The following ST3GAL4 variants were observed in gnomAD, a reference collection of about 807,000 sequenced individuals.
ST3GAL4 encodes ST3 beta-galactoside alpha-2,3-sialyltransferase 4.
ST3GAL4 carries 24 observed loss-of-function variants against 42.6 expected under a neutral mutation model. The ratio of observed to expected loss-of-function variants is 0.56; its 90% CI spans 0.41 to 0.79. The LOEUF (loss-of-function observed/expected upper bound fraction) is 0.79, where lower values mean the gene tolerates loss of function less well. Ranked by LOEUF, ST3GAL4 falls within the 30% of genes least tolerant of loss-of-function variation. The pLI is 0.00. For missense variants in ST3GAL4, 311 were observed against 430.8 expected, an observed-to-expected ratio of 0.72 and a Z score of 2.46; for synonymous variants, 135 against 163.2, an observed-to-expected ratio of 0.83 and a Z score of 1.32.
chr11:126,408,424 A>C lies in ST3GAL4; in HGVS notation c.555A>C (p.Thr185=), dbSNP rs755822343. The change falls in exon 8 of 11, where the codon ACA becomes ACC. Residue 185 remains threonine (T), a synonymous_variant. Transcript: ENST00000444328. ...CCAAAGTAGAAAACAACCCAGACAC[A>C]CTCCTCGTCCTGGTAGCTTTCAAGG... is the stretch of plus-strand genomic sequence containing the variant. ...FDPKVENNPD[T]LLVLVAFKAM... 3 of 1,614,044 alleles carry C rather than the reference A, an allele frequency of 1.9e-6. No individual in the cohort carries two copies. In the South Asian group the frequency reaches 3.3e-5, roughly 18 times the overall value.
intron 1 of ST3GAL4, chr11:126,358,555 C>T (rs1396153916): frequency 2.3e-6 from 1 of 441,936 alleles, no homozygotes; most frequent in Admixed American, 2.4e-5. Flanking sequence ...AGGAAGTGGT[C>T]AGTGTAGCTT....
At chr11:126,401,432 G>A (rs559142660) in intron 1 of ST3GAL4, among the ~76,000 whole-genome samples, 10 of 152,118 alleles carry the variant, frequency 6.6e-5, no homozygotes, top group African/African-American at 2.4e-4. Flanking sequence ...GCCAGGCATG[G>A]TGGTGGGTGC....
At position 126,376,593 on chromosome 11, in the gene ST3GAL4, T is replaced by TA. The variant is rs1442510672; in HGVS notation, c.-61+20752dup. ...TAAATAACCCCAGTTAAGATTTGAT[T>TA]ATGCTGTCTTTTAAGCAAGGTTAAG... On this transcript the variant is annotated intron_variant, in intron 1 of 10. Coordinates refer to ENST00000444328, the MANE Select transcript of ST3GAL4 (RefSeq NM_001254757.2). This position sits in a 1 kb window ranked among gnomAD's most constrained non-coding sequence, Gnocchi z 5.1. 6.6e-6 allele frequency among the ~76,000 whole-genome samples: 1 copy of TA among 152,240 alleles called. No individual in the cohort carries two copies. The highest frequency in any genetic ancestry group is 6.5e-5 in the Admixed American group (1 of 15,282).
Position 126,406,389 on chromosome 11 carries a change from C to T in ST3GAL4, c.17-84C>T. On this transcript the variant is annotated intron_variant, in intron 2 of 10. Coordinates refer to ENST00000444328, the MANE Select transcript of ST3GAL4 (RefSeq NM_001254757.2). This position sits in a 1 kb window ranked among gnomAD's most constrained non-coding sequence, Gnocchi z 5.4. ...TCTGTTGAGTTAGGGGTCGGAGGGA[C>T]TCAGAAGGGGGCAGGTGGGAAGGTG... The T allele has an allele frequency of 6.2e-7, 1 of 1,605,544 alleles. No individual in the cohort carries two copies.
rs545792362 is a variant in ST3GAL4, at chr11:126,363,819, T to C, written c.-61+7977T>C. On this transcript the variant is annotated intron_variant, in intron 1 of 10. Coordinates refer to ENST00000444328, the MANE Select transcript of ST3GAL4 (RefSeq NM_001254757.2). The surrounding 1 kb of genome is among the most constrained non-coding windows in gnomAD (Gnocchi z 4.6). ...CACAGTTTTCTACTCTCAGACCCCA[T>C]TGAGGTGAGCACACAACAGTGTTCT... 2.8e-4 allele frequency among the ~76,000 whole-genome samples: 43 copies of C among 152,288 alleles called. No individual in the cohort carries two copies. Among genetic ancestry groups the C allele is most frequent in the African/African-American group, 9.4e-4 (39 of 41,566 alleles).
chr11:126,362,198 T>C (rs1415103771), intron 1 of ST3GAL4, among the ~76,000 whole-genome samples: 13 of 144,530 alleles, frequency 9.0e-5, no homozygotes, highest in Non-Finnish European at 1.4e-4. Flanking sequence ...TCTTCCTTTT[T>C]TTTTTTTTTT....
Position 126,383,430 on chromosome 11 carries a change from A to T in ST3GAL4, c.-60-22666A>T, listed in dbSNP as rs540412138. On this transcript the variant is annotated intron_variant, in intron 1 of 10. Coordinates refer to ENST00000444328, the MANE Select transcript of ST3GAL4 (RefSeq NM_001254757.2). This position sits in a 1 kb window ranked among gnomAD's most constrained non-coding sequence, Gnocchi z 4.5. ...CCACTGGGCCTGAGGGAGGTAGAGC[A>T]GCAGCAGCAGCAGCTGAGCCCAGCC... is the stretch of plus-strand genomic sequence containing the variant. Among the ~76,000 whole-genome samples, 171 of 152,246 alleles carry T rather than the reference A, an allele frequency of 1.1e-3. No homozygotes were observed. The highest frequency in any genetic ancestry group is 3.8e-3 in the African/African-American group (158 of 41,566).
In ST3GAL4 at chr11:126,363,895, G is replaced by A. The variant is rs576419777; in HGVS notation, c.-61+8053G>A. On this transcript the variant is annotated intron_variant, in intron 1 of 10. Transcript: ENST00000444328. The surrounding 1 kb of genome is among the most constrained non-coding windows in gnomAD (Gnocchi z 4.6). ...ACCCTCCCAGGCCCGGCACCGTGTC[G>A]CCCTGCCCCAGCCCAGAGCTTGCCT... 2.6e-5 allele frequency among the ~76,000 whole-genome samples: 4 copies of A among 152,292 alleles called. No individual in the cohort carries two copies. Among genetic ancestry groups the A allele is most frequent in the African/African-American group, 4.8e-5 (2 of 41,574 alleles).
chr11:126,375,255 C>T (rs1952791904), intron 1 of ST3GAL4: 1 of 152,332 alleles, frequency 6.6e-6, no homozygotes, highest in Non-Finnish European at 1.5e-5. Flanking sequence ...TGCAGAGCTT[C>T]CAGAGAGCAC....
intron 5 of ST3GAL4, 42 bp downstream of exon 5, chr11:126,407,391 G>A (rs1204571243): frequency 3.8e-6 from 6 of 1,599,948 alleles, no homozygotes; most frequent in Non-Finnish European, 5.1e-6. Context: ...GGCTCACCCT[G>A]ACCACGTTGC....
intron 1 of ST3GAL4, among the ~76,000 whole-genome samples, chr11:126,381,707 G>A (rs1293069540): frequency 6.6e-6 from 1 of 151,268 alleles, no homozygotes; most frequent in African/African-American, 2.4e-5. Context: ...GTCCTGGATA[G>A]GCTGAGGAGG....
chr11:126,404,121 C>T (rs1013628582), intron 1 of ST3GAL4, among the ~76,000 whole-genome samples: 1 of 152,154 alleles, frequency 6.6e-6, no homozygotes, highest in Non-Finnish European at 1.5e-5. Flanking sequence ...CAGGCTTGAC[C>T]AGTGCTTCTC....
rs575727551 is a variant in ST3GAL4 at position 126,384,947 on chromosome 11, G to T, written c.-60-21149G>T. ...ATGGAGAGGGGCCGCCTTGTGCCTG[G>T]GAAGGGAGGACCAGGTGTCGCTGGC... On this transcript the variant is annotated intron_variant, in intron 1 of 10. Transcript: ENST00000444328. The surrounding 1 kb of genome is among the most constrained non-coding windows in gnomAD (Gnocchi z 5.5). The T allele has an allele frequency of 1.0e-6, 1 of 982,650 alleles. No individual in the cohort carries two copies. Among genetic ancestry groups the T allele is most frequent in the Middle Eastern group, 5.2e-4 (1 of 1,912 alleles). 60.9% of individuals were successfully genotyped at this position (982,650 alleles called of 1,614,324 possible).
intron 1 of ST3GAL4, among the ~76,000 whole-genome samples, chr11:126,364,121 CCA>C (rs1952348088): frequency 1.3e-5 from 2 of 152,258 alleles, no homozygotes; most frequent in Non-Finnish European, 2.9e-5. Context: ...CCCAACCCTG[CCA>C]AGGCAGAGGG....
intron 6 of ST3GAL4, 77 bp downstream of exon 6, chr11:126,407,711 C>A: frequency 7.1e-7 from 1 of 1,398,604 alleles, no homozygotes; most frequent in Non-Finnish European, 9.8e-7. Context: ...CACTCCCCAC[C>A]CCCCCGCTCT....
rs1490425827 is a variant in ST3GAL4 at position 126,359,408 on chromosome 11, G to A, written c.-61+3566G>A. On this transcript the variant is annotated intron_variant, in intron 1 of 10. Coordinates refer to ENST00000444328, the MANE Select transcript of ST3GAL4 (RefSeq NM_001254757.2). The surrounding 1 kb of genome is among the most constrained non-coding windows in gnomAD (Gnocchi z 4.8). ...AAGAAATGGAGGATTGAAGGATTAA[G>A]TTACTTGGCCAAGGTCATACAGCTC... Among the ~76,000 whole-genome samples, 1 of 152,152 alleles carries A rather than the reference G, an allele frequency of 6.6e-6. No homozygotes were observed. The highest frequency in any genetic ancestry group is 1.5e-5 in the Non-Finnish European group (1 of 68,036).
Position 126,386,535 on chromosome 11 carries a change from G to C in ST3GAL4, c.-60-19561G>C, listed in dbSNP as rs1220674241. Among the ~76,000 whole-genome samples the C allele has an allele frequency of 2.0e-5, 3 of 152,126 alleles. No individual in the cohort carries two copies. Among genetic ancestry groups the C allele is most frequent in the Admixed American group, 1.3e-4 (2 of 15,278 alleles). On this transcript the variant is annotated intron_variant, in intron 1 of 10. Coordinates refer to ENST00000444328, the MANE Select transcript of ST3GAL4 (RefSeq NM_001254757.2). The surrounding 1 kb of genome is among the most constrained non-coding windows in gnomAD (Gnocchi z 4.7). ...GTGATGTGACCTCTGTGGCTCTCCT[G>C]GGACACAGGTTAGTCCTGTGGGTGA...
At position 126,376,043 on chromosome 11, in the gene ST3GAL4, T is replaced by C. The variant is rs936002845; in HGVS notation, c.-61+20201T>C. 6.6e-6 allele frequency among the ~76,000 whole-genome samples: 1 copy of C among 152,150 alleles called. No individual in the cohort carries two copies. Among genetic ancestry groups the C allele is most frequent in the Non-Finnish European group, 1.5e-5 (1 of 68,022 alleles). On this transcript the variant is annotated intron_variant, in intron 1 of 10. Transcript: ENST00000444328. This position sits in a 1 kb window ranked among gnomAD's most constrained non-coding sequence, Gnocchi z 5.1. Reference sequence around the variant, plus strand: ...ATCTGCCACATTCTTGGCAGTTTAATAGAATCTAGAGATATAAAGAAGTTC... The same window carrying C: ...ATCTGCCACATTCTTGGCAGTTTAACAGAATCTAGAGATATAAAGAAGTTC...
intron 1 of ST3GAL4, among the ~76,000 whole-genome samples, chr11:126,367,490 C>T (rs1438192916): frequency 6.6e-6 from 1 of 152,142 alleles, no homozygotes; most frequent in Non-Finnish European, 1.5e-5. Context: ...AGAGGGGCTG[C>T]CTTGTGCCTG....
Sources: gnomAD v4.1 joint callset for allele counts (sites outside exome capture counted in the v4.1 genomes callset) on GRCh38, gnomAD v4.1.1 for gene constraint, Gnocchi (gnomAD v3.1) non-coding constraint, MANE v1.5 for transcripts, NCBI Gene and HGNC (gene_info 2026-07-23, HGNC 2026-07-21) for gene names.